The following RBM45 variants were observed in gnomAD, a reference collection of about 807,000 sequenced individuals.
RBM45 encodes the protein RNA binding motif protein 45.
Under a neutral mutation model 58.5 loss-of-function variants are expected in RBM45, and 39 were observed. The ratio of observed to expected loss-of-function variants is 0.67; its 90% CI spans 0.52 to 0.87. The LOEUF (loss-of-function observed/expected upper bound fraction) is 0.87, where lower values mean the gene tolerates loss of function less well. Ranked by LOEUF, RBM45 falls within the 40% of genes least tolerant of loss-of-function variation. The pLI, the probability that RBM45 is intolerant of heterozygous loss-of-function variation, is 0.00. For synonymous variants in RBM45, 193 were observed against 203.0 expected (o/e 0.95, Z 0.42); for missense variants, 481 against 581.6 (o/e 0.83, Z 1.78).
chr2:178,131,514 TTC>T (rs1268195885), downstream of RBM45, among the ~76,000 whole-genome samples: 2 of 152,192 alleles, frequency 1.3e-5, no homozygotes, highest in Non-Finnish European at 2.9e-5. Context: ...GCCCTCCACA[TTC>T]TCTGTTCAGA....
chr2:178,120,617 T>C (rs1308149294), intron 4 of RBM45, among the ~76,000 whole-genome samples: 1 of 152,172 alleles, frequency 6.6e-6, no homozygotes, highest in East Asian at 1.9e-4. Flanking sequence ...TTTCTAATTA[T>C]AGTTTTCTCT....
At chr2:178,112,922 C>A in intron 1 of RBM45, 76 bp downstream of exon 1, 1 of 1,463,248 alleles carries the variant, frequency 6.8e-7, no homozygotes, top group South Asian at 1.3e-5. Flanking sequence ...GCTGCTCTGC[C>A]GGGGTGAGGG....
chr2:178,121,410 A>G, intron 5 of RBM45, 51 bp downstream of exon 5: 1 of 323,172 alleles, frequency 3.1e-6, no homozygotes, highest in Non-Finnish European at 4.6e-6. Context: ...ATATACACAC[A>G]CACACACACA....
chr2:178,124,321 A>T (rs1299848932), intron 8 of RBM45, 31 bp downstream of exon 8: 2 of 1,320,952 alleles, frequency 1.5e-6, no homozygotes, highest in Non-Finnish European at 2.1e-6. Context: ...GTTATATTTT[A>T]TTTACACTAG....
At chr2:178,116,157 A>G (rs2087773689) in intron 1 of RBM45, 105 bp from the exon 2 acceptor site, 1 of 1,415,876 alleles carries the variant, frequency 7.1e-7, no homozygotes, top group African/African-American at 1.5e-5. Flanking sequence ...CCCTGTCTCA[A>G]AGATTAAAAA....
rs149907169 is a variant in RBM45, at chr2:178,126,197, T to A, written c.*8+13T>A. 2 of 1,571,728 alleles carry A rather than the reference T, an allele frequency of 1.3e-6. No homozygotes were observed. The highest frequency in any genetic ancestry group is 1.7e-6 in the Non-Finnish European group (2 of 1,147,882). ...ACTGATTCTTGAGGTAAGCCCTTTT[T>A]AATCTGAATTTTAAAACATATTGAG... On this transcript the variant is annotated intron_variant, in intron 9 of 9. Coordinates refer to ENST00000286070, the MANE Select transcript of RBM45 (RefSeq NM_152945.4).
In RBM45 at chr2:178,116,319, C is replaced by T. The variant is rs751422956; in HGVS notation, c.358C>T (p.Leu120Phe). 1 of 1,612,766 alleles carries T rather than the reference C, an allele frequency of 6.2e-7. No homozygotes were observed. The highest frequency in any genetic ancestry group is 1.1e-5 in the South Asian group (1 of 90,862). Residue 120 changes from leucine to phenylalanine, a missense_variant, in exon 2 of 10, where the codon CTT becomes TTT. By Grantham distance (22) the Leu-to-Phe change is conservative. Transcript: ENST00000286070. Reference protein sequence around the residue: ...GSHRDVEDEELTRIFVMIPKS... With the variant: ...GSHRDVEDEEFTRIFVMIPKS... ...TCACCGAGATGTTGAAGATGAAGAA[C>T]TTACAAGAATCTTTGTTATGATACC...
chr2:178,124,702 TAC>T (rs1317939019), intron 8 of RBM45, among the ~76,000 whole-genome samples: 2 of 152,152 alleles, frequency 1.3e-5, no homozygotes, highest in Admixed American at 1.3e-4. Context: ...TGGTCGCAGA[TAC>T]TTGGGAGGCT....
chr2:178,127,016 A>G (rs2087939309), intron 9 of RBM45, among the ~76,000 whole-genome samples: 1 of 151,912 alleles, frequency 6.6e-6, no homozygotes, highest in Non-Finnish European at 1.5e-5. Flanking sequence ...GATTCACTGC[A>G]ACCTCCACCT....
At chr2:178,122,778 G>C (rs916695214) in intron 5 of RBM45, among the ~76,000 whole-genome samples, 4 of 152,020 alleles carry the variant, frequency 2.6e-5, no homozygotes, top group Non-Finnish European at 5.9e-5. Context: ...TTTGATTTCT[G>C]TGTTTTATTT....
chr2:178,112,628 AT>A lies in RBM45; in HGVS notation c.83del (p.Ile28ThrfsTer4). 6.2e-7 allele frequency: 1 copy of A among 1,614,140 alleles called. No individual in the cohort carries two copies. Among genetic ancestry groups the A allele is most frequent in the Non-Finnish European group, 8.5e-7 (1 of 1,180,026 alleles). ...CCTGGACGAACCGCCCAACAGCCGCATCTTCCTTGTGATCAGCAAGTACACA... is the reference window on the plus strand; with the variant it reads ...CCTGGACGAACCGCCCAACAGCCGCACTTCCTTGTGATCAGCAAGTACACA... ...DSLDEPPNSR[I>X]FLVISKYTPE... On this transcript the variant is annotated frameshift_variant, in exon 1 of 10. Transcript: ENST00000286070. LOFTEE classifies it high-confidence loss of function.
intron 9 of RBM45, among the ~76,000 whole-genome samples, chr2:178,128,713 A>G (rs565153600): frequency 6.6e-6 from 1 of 152,224 alleles, no homozygotes; most frequent in African/African-American, 2.4e-5. Context: ...GGCTGTTTGG[A>G]TAGGATACGA....
intron 5 of RBM45, among the ~76,000 whole-genome samples, chr2:178,122,368 G>A (rs1381387939): frequency 6.6e-6 from 1 of 152,064 alleles, no homozygotes; most frequent in East Asian, 1.9e-4. Flanking sequence ...AGTGACGTGA[G>A]TTTGGTCATG....
intron 1 of RBM45, among the ~76,000 whole-genome samples, chr2:178,115,443 C>T (rs75295743): frequency 0.043 from 6,551 of 152,064 alleles, 188 homozygotes; most frequent in Middle Eastern, 0.071. Context: ...CCATTTATTA[C>T]TGATATCAGC....
chr2:178,114,715 C>G (rs980734026), intron 1 of RBM45, among the ~76,000 whole-genome samples: 1 of 152,126 alleles, frequency 6.6e-6, no homozygotes, highest in Non-Finnish European at 1.5e-5. Context: ...CCTCATCCTC[C>G]CTCTCGAGTA....
intron 1 of RBM45, among the ~76,000 whole-genome samples, chr2:178,115,043 C>T (rs1351451321): frequency 6.6e-6 from 1 of 152,200 alleles, no homozygotes; most frequent in Non-Finnish European, 1.5e-5. Flanking sequence ...ACAATATTAT[C>T]TTACCAGCCC....
chr2:178,130,425 T>C (rs1338765980), downstream of RBM45, among the ~76,000 whole-genome samples: 1 of 152,088 alleles, frequency 6.6e-6, no homozygotes, highest in Non-Finnish European at 1.5e-5. Context: ...CTCAGAAAGC[T>C]GAAGCGGAAG....
At chr2:178,132,433 G>A (rs1464674801), downstream of RBM45, among the ~76,000 whole-genome samples, 1 of 152,186 alleles carries the variant, frequency 6.6e-6, no homozygotes, top group African/African-American at 2.4e-5. Flanking sequence ...ATCCTATTCA[G>A]TATGAATGAA....
intron 9 of RBM45, among the ~76,000 whole-genome samples, chr2:178,128,581 A>G (rs78973269): frequency 0.081 from 12,312 of 152,230 alleles, 516 homozygotes; most frequent in East Asian, 0.13. Flanking sequence ...AATTTCCTAC[A>G]TCAGAGGAAT....
Sources: allele counts gnomAD v4.1 joint callset (sites outside exome capture counted in the v4.1 genomes callset), GRCh38; gene constraint gnomAD v4.1.1; transcripts MANE v1.5; gene names NCBI Gene and HGNC (gene_info 2026-07-23, HGNC 2026-07-21).